Variants in SCUBE3 observed in about 807,000 individuals in gnomAD.
The protein encoded by SCUBE3 is signal peptide, CUB and EGF-like domain-containing protein 3.
A neutral mutation model predicts 116.8 loss-of-function variants in SCUBE3; 33 were observed. That is an observed-to-expected ratio of 0.28 (90% CI 0.21 to 0.38). The LOEUF is 0.38. Ranked by LOEUF, SCUBE3 falls within the 10% of genes least tolerant of loss-of-function variation. The probability of loss-of-function intolerance (pLI) is 1.00; values close to 1 mark genes in which losing one functional copy is unlikely to be tolerated. For synonymous variants in SCUBE3, 418 were observed against 496.9 expected (o/e 0.84, Z 2.11); for missense variants, 1,007 against 1,324.8 (o/e 0.76, Z 3.72).
In SCUBE3 at chr6:35,232,607, T is replaced by C. The variant is rs556852031; in HGVS notation, c.470-243T>C. On this transcript the variant is annotated intron_variant, in intron 4 of 21. Transcript: ENST00000274938. The surrounding 1 kb of genome is among the most constrained non-coding windows in gnomAD (Gnocchi z 4.2). ...GTTTAAAGGAAAGGGTGATCATTCG[T>C]TGGGATGAGTATCAATAGCTAGCTA... is the stretch of plus-strand genomic sequence containing the variant. Among the ~76,000 whole-genome samples the C allele has an allele frequency of 3.3e-5, 5 of 152,280 alleles. No individual in the cohort carries two copies. The highest frequency in any genetic ancestry group is 2.1e-4 in the South Asian group (1 of 4,820).
In SCUBE3 at chr6:35,231,111, AGAAAGGCT is replaced by A. The variant is rs1026878876; in HGVS notation, c.335-613_335-606del. 1.3e-5 allele frequency among the ~76,000 whole-genome samples: 2 copies of A among 151,984 alleles called. No individual in the cohort carries two copies. Among genetic ancestry groups the A allele is most frequent in the African/African-American group, 4.8e-5 (2 of 41,342 alleles). On this transcript the variant is annotated intron_variant, in intron 3 of 21. Coordinates refer to ENST00000274938, the MANE Select transcript of SCUBE3 (RefSeq NM_152753.4). The surrounding 1 kb of genome is among the most constrained non-coding windows in gnomAD (Gnocchi z 4.2). ...CTTTGTTTTGTTAAGCCAAAATAGG[AGAAAGGCT>A]AGGGAATATGGCAGCAAGCCCAGGC...
Position 35,243,342 on chromosome 6 carries a change from A to G in SCUBE3, c.1909+106A>G. ...AGATGCATTTCTCAAATTATGAGGC[A>G]GCCAGGATGCTCCTGCCCGCTGTCC... On this transcript the variant is annotated intron_variant, in intron 15 of 21. Transcript: ENST00000274938. This position sits in a 1 kb window ranked among gnomAD's most constrained non-coding sequence, Gnocchi z 6.6. 1 of 1,033,256 alleles carries G rather than the reference A, an allele frequency of 9.7e-7. No homozygotes were observed. Among genetic ancestry groups the G allele is most frequent in the African/African-American group, 1.6e-5 (1 of 63,772 alleles). The allele number at this position is 1,033,256 out of a possible 1,614,324, so 64.0% of individuals were successfully genotyped here.
chr6:35,245,183 A>C lies in SCUBE3; in HGVS notation c.2402-45A>C. 6.4e-7 allele frequency: 1 copy of C among 1,570,590 alleles called. No individual in the cohort carries two copies. The highest frequency in any genetic ancestry group is 8.8e-7 in the Non-Finnish European group (1 of 1,140,526). On this transcript the variant is annotated intron_variant, in intron 18 of 21. Transcript: ENST00000274938. This position sits in a 1 kb window ranked among gnomAD's most constrained non-coding sequence, Gnocchi z 4.2. ...ATTCCCCCAGCACACTTCCCCACTGACTTCCCTTCTCTGTCTTGTTTTATC... is the reference window on the plus strand; with the variant it reads ...ATTCCCCCAGCACACTTCCCCACTGCCTTCCCTTCTCTGTCTTGTTTTATC...
In SCUBE3 at chr6:35,239,693, CCTT is replaced by C. The variant is rs1783949249; in HGVS notation, c.830-58_830-56del. The C allele has an allele frequency of 6.4e-7, 1 of 1,555,696 alleles. No homozygotes were observed. The highest frequency in any genetic ancestry group is 8.8e-7 in the Non-Finnish European group (1 of 1,142,146). ...CTGTCAGTGAGGGAGGGATCTTTCT[CCTT>C]GTTTGTTCTCAGCCTTTGATAGTAT... On this transcript the variant is annotated intron_variant, in intron 7 of 21. Transcript: ENST00000274938. The surrounding 1 kb of genome is among the most constrained non-coding windows in gnomAD (Gnocchi z 4.1).
At position 35,244,350 on chromosome 6, in the gene SCUBE3, C is replaced by T. The variant is rs1784236782; in HGVS notation, c.2239+220C>T. Reference sequence around the variant, plus strand: ...AAATAATTAACAGTCCCACTTACCCCTCCACTTTGGAGAACTGGTGGCATA... The same window carrying T: ...AAATAATTAACAGTCCCACTTACCCTTCCACTTTGGAGAACTGGTGGCATA... On this transcript the variant is annotated intron_variant, in intron 17 of 21. Coordinates refer to ENST00000274938, the MANE Select transcript of SCUBE3 (RefSeq NM_152753.4). This position sits in a 1 kb window ranked among gnomAD's most constrained non-coding sequence, Gnocchi z 4.3. Among the ~76,000 whole-genome samples the T allele has an allele frequency of 6.6e-6, 1 of 152,188 alleles. No individual in the cohort carries two copies. Among genetic ancestry groups the T allele is most frequent in the Admixed American group, 6.5e-5 (1 of 15,276 alleles).
At position 35,244,200 on chromosome 6, in the gene SCUBE3, C is replaced by T; in HGVS notation, c.2239+70C>T. The T allele has an allele frequency of 7.3e-7, 1 of 1,371,564 alleles. No individual in the cohort carries two copies. Among genetic ancestry groups the T allele is most frequent in the Non-Finnish European group, 1.0e-6 (1 of 993,520 alleles). 85.0% of individuals were successfully genotyped at this position (1,371,564 alleles called of 1,614,324 possible). ...TACTCCCAAAAAACTCTCCAATTTC[C>T]CAGAGGGGACACTGACCCACCATTT... On this transcript the variant is annotated intron_variant, in intron 17 of 21. Coordinates refer to ENST00000274938, the MANE Select transcript of SCUBE3 (RefSeq NM_152753.4). This position sits in a 1 kb window ranked among gnomAD's most constrained non-coding sequence, Gnocchi z 4.3.
intron 1 of SCUBE3, among the ~76,000 whole-genome samples, chr6:35,217,827 T>A (rs1173878651): frequency 6.6e-6 from 1 of 152,138 alleles, no homozygotes; most frequent in Non-Finnish European, 1.5e-5. Flanking sequence ...CAGTTCCCTC[T>A]AAGCCCACCC....
At chr6:35,242,808 G>A (rs1784132261) in intron 14 of SCUBE3, 28 bp downstream of exon 14, 1 of 1,606,876 alleles carries the variant, frequency 6.2e-7, no homozygotes, top group African/African-American at 1.3e-5. Context: ...GTTGGGAAGA[G>A]GACTGGAAGG....
In SCUBE3 at chr6:35,239,116, A is replaced by T. The variant is rs928304860; in HGVS notation, c.830-636A>T. 1.2e-4 allele frequency among the ~76,000 whole-genome samples: 18 copies of T among 151,868 alleles called. No homozygotes were observed. The highest frequency in any genetic ancestry group is 4.1e-4 in the African/African-American group (17 of 41,330). ...CCCCCTTTCCCTTACTAGTGCTGAA[A>T]GCTGCCTCAGGCCTGAGTCTCTCCA... On this transcript the variant is annotated intron_variant, in intron 7 of 21. Transcript: ENST00000274938. The surrounding 1 kb of genome is among the most constrained non-coding windows in gnomAD (Gnocchi z 4.1).
rs904011517 is a variant in SCUBE3, at chr6:35,214,322, C to T, written c.-97C>T. 1.1e-4 allele frequency: 77 copies of T among 696,950 alleles called. No individual in the cohort carries two copies. In the African/African-American group the frequency reaches 1.1e-3, roughly 10 times the overall value. 43.2% of individuals were successfully genotyped at this position (696,950 alleles called of 1,614,324 possible). On this transcript the variant is annotated 5_prime_UTR_variant, in exon 1 of 22. Transcript: ENST00000274938. This position sits in a 1 kb window ranked among gnomAD's most constrained non-coding sequence, Gnocchi z 6.3. ...CGGCCTGGCCCCGGCGGGGCGCCCC[C>T]TCCCCTCCCCCTCCTGCGAGCTGGG...
chr6:35,218,124 A>G lies in SCUBE3; in HGVS notation c.85+3621A>G, dbSNP rs190306771. ...AATGAGATTGTTTTTTGAAACCTTC[A>G]GGAATCTGAGAGCATGAGAACCGGT... On this transcript the variant is annotated intron_variant, in intron 1 of 21. Coordinates refer to ENST00000274938, the MANE Select transcript of SCUBE3 (RefSeq NM_152753.4). The G allele has an allele frequency of 6.0e-4, 590 of 985,186 alleles. 1 individual carries two copies. The highest frequency in any genetic ancestry group is 1.7e-3 in the South Asian group (37 of 21,280). The allele number at this position is 985,186 out of a possible 1,614,324, so 61.0% of individuals were successfully genotyped here. A position where few individuals can be genotyped will look rare whatever the true frequency, so the allele number is the denominator to read the frequency against.
At chr6:35,224,010 G>A (rs2150288320) in intron 1 of SCUBE3, 1 of 152,308 alleles carries the variant, frequency 6.6e-6, no homozygotes, top group South Asian at 2.1e-4. Flanking sequence ...ATGAACTGAG[G>A]AGAACAGTCC....
rs1784531498 is a variant in SCUBE3 at position 35,250,913 on chromosome 6, C to T, written c.*2208C>T. On this transcript the variant is annotated 3_prime_UTR_variant, in exon 22 of 22. Transcript: ENST00000274938. Reference sequence around the variant, plus strand: ...GGTAGCCAATGACACAGCTAGATTCCCTGACAACCATTAGCCAACATCATG... The same window carrying T: ...GGTAGCCAATGACACAGCTAGATTCTCTGACAACCATTAGCCAACATCATG... 6.6e-6 allele frequency: 1 copy of T among 152,110 alleles called. No individual in the cohort carries two copies. The highest frequency in any genetic ancestry group is 1.5e-5 in the Non-Finnish European group (1 of 68,044). 9.4% of individuals were successfully genotyped at this position (152,110 alleles called of 1,614,324 possible). A position where few individuals can be genotyped will look rare whatever the true frequency, so the allele number is the denominator to read the frequency against.
At position 35,243,017 on chromosome 6, in the gene SCUBE3, C is replaced by A. The variant is rs370607064; in HGVS notation, c.1694-4C>A. 12 of 1,613,528 alleles carry A rather than the reference C, an allele frequency of 7.4e-6. No homozygotes were observed. In the Admixed American group the frequency reaches 1.7e-4, roughly 22 times the overall value. ...CCCTGATACACACGGCCATCCACCA[C>A]CAGCCAGCTGTGGGCTGCCCTGCCT... On this transcript the variant is annotated splice_polypyrimidine_tract_variant and splice_region_variant and intron_variant, in intron 14 of 21. Coordinates refer to ENST00000274938, the MANE Select transcript of SCUBE3 (RefSeq NM_152753.4). The surrounding 1 kb of genome is among the most constrained non-coding windows in gnomAD (Gnocchi z 6.6).
chr6:35,227,328 T>A (rs1044843876), intron 1 of SCUBE3, among the ~76,000 whole-genome samples: 3 of 152,200 alleles, frequency 2.0e-5, no homozygotes, highest in African/African-American at 7.2e-5. Flanking sequence ...AAAAGGAGTG[T>A]TTCGAATGAT....
Position 35,246,017 on chromosome 6 carries a change from C to T in SCUBE3, c.2673C>T (p.Ser891=). Residue 891 remains serine, a synonymous_variant, in exon 20 of 22, where the codon TCC becomes TCT. Transcript: ENST00000274938. ...GTCCCATTGCCTTCACTGCCCGTTCCAGGAAGCTCTGGATCAACTTCAAGA... is the reference window on the plus strand; with the variant it reads ...GTCCCATTGCCTTCACTGCCCGTTCTAGGAAGCTCTGGATCAACTTCAAGA... ...YERPIAFTAR[S]RKLWINFKTS... The T allele has an allele frequency of 3.1e-6, 5 of 1,614,154 alleles. No individual in the cohort carries two copies. The highest frequency in any genetic ancestry group is 3.4e-6 in the Non-Finnish European group (4 of 1,180,008).
chr6:35,229,517 C>G (rs1203527537), intron 3 of SCUBE3, among the ~76,000 whole-genome samples: 3 of 152,116 alleles, frequency 2.0e-5, no homozygotes, highest in Admixed American at 6.5e-5. Context: ...ATGGTAGGAG[C>G]TCAGTAATGG....
In SCUBE3 at chr6:35,236,143, T is replaced by C. The variant is rs566472471; in HGVS notation, c.713-1759T>C. On this transcript the variant is annotated intron_variant, in intron 6 of 21. Transcript: ENST00000274938. ...GGGTTGTAATGCTTGAGATAGTGCA[T>C]GTAGAGCATCTACCTGGCAAGTGCC... 5.7e-4 allele frequency among the ~76,000 whole-genome samples: 87 copies of C among 152,338 alleles called. 5 individuals are homozygous for C. The highest frequency in any genetic ancestry group is 2.0e-3 in the African/African-American group (82 of 41,568).
rs1239230415 is a variant in SCUBE3, at chr6:35,252,654, T to C, written c.*3949T>C. ...GAACAACACAAGGATATTTTTACAT[T>C]TGACCCGTCTCAAAAGTAGCACACC... On this transcript the variant is annotated 3_prime_UTR_variant, in exon 22 of 22. Coordinates refer to ENST00000274938, the MANE Select transcript of SCUBE3 (RefSeq NM_152753.4). 1.3e-5 allele frequency: 2 copies of C among 152,240 alleles called. No individual in the cohort carries two copies. The highest frequency in any genetic ancestry group is 1.9e-4 in the East Asian group (1 of 5,182). 9.4% of individuals were successfully genotyped at this position (152,240 alleles called of 1,614,324 possible).
Sources: allele counts gnomAD v4.1 joint callset (sites outside exome capture counted in the v4.1 genomes callset), GRCh38; gene constraint gnomAD v4.1.1; non-coding constraint Gnocchi (gnomAD v3.1); transcripts MANE v1.5; gene names NCBI Gene and HGNC (gene_info 2026-07-23, HGNC 2026-07-21).